Variants in KCNQ1 observed in about 807,000 individuals in gnomAD.
The protein encoded by KCNQ1 is potassium voltage-gated channel subfamily Q member 1.
Under a neutral mutation model 72.4 loss-of-function variants are expected in KCNQ1, and 49 were observed. That is an observed-to-expected ratio of 0.68 (90% CI 0.54 to 0.86). The LOEUF (loss-of-function observed/expected upper bound fraction) is 0.86. Ranked by LOEUF, KCNQ1 falls within the 40% of genes least tolerant of loss-of-function variation. The pLI is 0.00. For synonymous variants in KCNQ1, 450 were observed against 412.6 expected (o/e 1.09, Z -1.10); for missense variants, 790 against 945.1 (o/e 0.84, Z 2.15).
At chr11:2,719,461 C>T (rs779057289) in intron 11 of KCNQ1, among the ~76,000 whole-genome samples, 8 of 151,334 alleles carry the variant, frequency 5.3e-5, no homozygotes, top group African/African-American at 1.2e-4. Flanking sequence ...CTGTGATTGA[C>T]GTGTTGACCA....
rs531803737 is a variant in KCNQ1 at position 2,750,354 on chromosome 11, A to G, written c.1515-18490A>G. Among the ~76,000 whole-genome samples the G allele has an allele frequency of 4.6e-5, 7 of 152,282 alleles. No homozygotes were observed. The highest frequency in any genetic ancestry group is 4.1e-4 in the South Asian group (2 of 4,832). Reference sequence around the variant, plus strand: ...CTGGCCTAACCAGTTGGGGGAATCCATGGGAGGCTTTAGCCCTGCTCTGTG... The same window carrying G: ...CTGGCCTAACCAGTTGGGGGAATCCGTGGGAGGCTTTAGCCCTGCTCTGTG... On this transcript the variant is annotated intron_variant, in intron 11 of 15. Coordinates refer to ENST00000155840, the MANE Select transcript of KCNQ1 (RefSeq NM_000218.3). This position sits in a 1 kb window ranked among gnomAD's most constrained non-coding sequence, Gnocchi z 6.3.
intron 2 of KCNQ1, among the ~76,000 whole-genome samples, chr11:2,569,621 G>A (rs1021258845): frequency 6.6e-6 from 1 of 152,186 alleles, no homozygotes; most frequent in Admixed American, 6.5e-5. Context: ...CACACGTGGG[G>A]GCTGGTTTCA....
intron 11 of KCNQ1, chr11:2,684,944 T>G (rs1850458779): frequency 2.5e-6 from 1 of 398,686 alleles, no homozygotes; most frequent in Middle Eastern, 6.3e-4. Context: ...CATGTTATCT[T>G]TGTACCTGGT....
chr11:2,823,077 G>C (rs896721299), intron 15 of KCNQ1, among the ~76,000 whole-genome samples: 1 of 152,162 alleles, frequency 6.6e-6, no homozygotes, highest in Non-Finnish European at 1.5e-5. Flanking sequence ...AAAGGGAGAT[G>C]AGAGGAAATA....
Position 2,620,970 on chromosome 11 carries a change from C to CT in KCNQ1, c.1393+32122dup, listed in dbSNP as rs144479763. 1,125 of 379,690 alleles carry CT rather than the reference C, an allele frequency of 3.0e-3. 4 individuals carry two copies. Among genetic ancestry groups the CT allele is most frequent in the Non-Finnish European group, 4.1e-3 (889 of 218,384 alleles). 23.5% of individuals were successfully genotyped at this position (379,690 alleles called of 1,614,324 possible). A position where few individuals can be genotyped will look rare whatever the true frequency, so the allele number is the denominator to read the frequency against. ...TTTGTTTTTTTTTGTCTGTTTTTTG[C>CT]TTTTTTGTTTGTTTGTTTGTTTTTT... On this transcript the variant is annotated intron_variant, in intron 10 of 15. Transcript: ENST00000155840. This position sits in a 1 kb window ranked among gnomAD's most constrained non-coding sequence, Gnocchi z 4.5.
Position 2,720,158 on chromosome 11 carries a change from A to G in KCNQ1, c.1515-48686A>G, listed in dbSNP as rs1246383977. 6.6e-6 allele frequency among the ~76,000 whole-genome samples: 1 copy of G among 152,194 alleles called. No individual in the cohort carries two copies. The highest frequency in any genetic ancestry group is 1.5e-5 in the Non-Finnish European group (1 of 68,028). ...TGGAGGGTTGCAAGGAGACGCTTCT[A>G]GTATGTTAGACAGCACAGTCTTCCA... is the stretch of plus-strand genomic sequence containing the variant. On this transcript the variant is annotated intron_variant, in intron 11 of 15. Transcript: ENST00000155840. The surrounding 1 kb of genome is among the most constrained non-coding windows in gnomAD (Gnocchi z 5.1).
chr11:2,451,143 G>C lies in KCNQ1; in HGVS notation c.386+5659G>C, dbSNP rs1237747855. On this transcript the variant is annotated intron_variant, in intron 1 of 15. Coordinates refer to ENST00000155840, the MANE Select transcript of KCNQ1 (RefSeq NM_000218.3). This position sits in a 1 kb window ranked among gnomAD's most constrained non-coding sequence, Gnocchi z 6.4. The stretch of plus-strand genomic sequence containing the variant: ...CAGAAACACCGTTCCCCGTAGAGCA[G>C]CAGTCCCCAACCTTTTTAGTACCAG... Among the ~76,000 whole-genome samples, 1 of 152,172 alleles carries C rather than the reference G, an allele frequency of 6.6e-6. No individual in the cohort carries two copies. The highest frequency in any genetic ancestry group is 1.5e-5 in the Non-Finnish European group (1 of 68,038).
In KCNQ1 at chr11:2,848,025, T is replaced by C. The variant is rs376507265; in HGVS notation, c.*22T>C. On this transcript the variant is annotated 3_prime_UTR_variant, in exon 16 of 16. Coordinates refer to ENST00000155840, the MANE Select transcript of KCNQ1 (RefSeq NM_000218.3). ...CTGAGGAGGGGATGGGGCTGGGGGATGGGCCTGAGTGAGAGGGGAGGCCAA... is the reference window on the plus strand; with the variant it reads ...CTGAGGAGGGGATGGGGCTGGGGGACGGGCCTGAGTGAGAGGGGAGGCCAA... The C allele has an allele frequency of 9.2e-5, 140 of 1,526,556 alleles. No individual in the cohort carries two copies. The highest frequency in any genetic ancestry group is 1.2e-4 in the Non-Finnish European group (133 of 1,133,350). 94.6% of individuals were successfully genotyped at this position (1,526,556 alleles called of 1,614,324 possible).
chr11:2,688,320 C>A (rs949262690), intron 11 of KCNQ1: 3 of 398,688 alleles, frequency 7.5e-6, no homozygotes, highest in Non-Finnish European at 1.3e-5. Context: ...AAGCACGTCA[C>A]ACACACAGCT....
intron 11 of KCNQ1, chr11:2,697,442 G>A: frequency 2.5e-6 from 1 of 398,534 alleles, no homozygotes; most frequent in Non-Finnish European, 4.4e-6. Flanking sequence ...TTATCTTAAA[G>A]AGAATGATAC....
In KCNQ1 at chr11:2,624,072, A is replaced by G; in HGVS notation, c.1393+35218A>G. 2.5e-6 allele frequency: 1 copy of G among 398,806 alleles called. No homozygotes were observed. Among genetic ancestry groups the G allele is most frequent in the Non-Finnish European group, 4.4e-6 (1 of 226,270 alleles). 24.7% of individuals were successfully genotyped at this position (398,806 alleles called of 1,614,324 possible). A position where few individuals can be genotyped will look rare whatever the true frequency, so the allele number is the denominator to read the frequency against. On this transcript the variant is annotated intron_variant, in intron 10 of 15. Coordinates refer to ENST00000155840, the MANE Select transcript of KCNQ1 (RefSeq NM_000218.3). The surrounding 1 kb of genome is among the most constrained non-coding windows in gnomAD (Gnocchi z 4.9). ...GTTCCTGTTGCCCCACATATTGGCAAGTATTTGGTATTGTCAGTGTTTTGA... is the reference window on the plus strand; with the variant it reads ...GTTCCTGTTGCCCCACATATTGGCAGGTATTTGGTATTGTCAGTGTTTTGA...
At position 2,759,579 on chromosome 11, in the gene KCNQ1, A is replaced by G. The variant is rs375152380; in HGVS notation, c.1515-9265A>G. Among the ~76,000 whole-genome samples, 5 of 152,298 alleles carry G rather than the reference A, an allele frequency of 3.3e-5. No individual in the cohort carries two copies. The highest frequency in any genetic ancestry group is 1.2e-4 in the African/African-American group (5 of 41,568). ...GAGTTGCAAAGAGCGACACCCCAGC[A>G]TGTGGGAAGGAAGGGAGCGAGCTCT... On this transcript the variant is annotated intron_variant, in intron 11 of 15. Coordinates refer to ENST00000155840, the MANE Select transcript of KCNQ1 (RefSeq NM_000218.3). The surrounding 1 kb of genome is among the most constrained non-coding windows in gnomAD (Gnocchi z 4.4).
intron 12 of KCNQ1, among the ~76,000 whole-genome samples, chr11:2,775,065 G>A (rs1846667131): frequency 6.6e-6 from 1 of 152,228 alleles, no homozygotes; most frequent in Admixed American, 6.5e-5. Flanking sequence ...GCCTCACCCG[G>A]TCACCCAGTG....
At chr11:2,527,716 T>G (rs1847534643) in intron 1 of KCNQ1, among the ~76,000 whole-genome samples, 2 of 152,250 alleles carry the variant, frequency 1.3e-5, no homozygotes, top group African/African-American at 4.8e-5. Flanking sequence ...GCAGCATGTG[T>G]TGGTGCTTCG....
chr11:2,449,904 A>G (rs997704757), intron 1 of KCNQ1, among the ~76,000 whole-genome samples: 2 of 152,204 alleles, frequency 1.3e-5, no homozygotes, highest in African/African-American at 2.4e-5. Flanking sequence ...TGCTGTTAAC[A>G]GGGCAGCGGG....
At chr11:2,650,479 T>G in intron 10 of KCNQ1, 2 of 398,692 alleles carry the variant, frequency 5.0e-6, no homozygotes, top group Non-Finnish European at 8.8e-6. Context: ...TCTGGTTCAG[T>G]GCAGAAGTGT....
intron 15 of KCNQ1, among the ~76,000 whole-genome samples, chr11:2,832,468 G>A (rs771797209): frequency 5.3e-5 from 8 of 152,140 alleles, no homozygotes; most frequent in Non-Finnish European, 8.8e-5. Context: ...CAAGCTGCTC[G>A]CTCAGACGGG....
intron 11 of KCNQ1, among the ~76,000 whole-genome samples, chr11:2,706,431 C>G (rs982073636): frequency 1.3e-5 from 2 of 152,250 alleles, no homozygotes; most frequent in African/African-American, 4.8e-5. Context: ...TCTGATGAGA[C>G]AGCAGCCCTG....
intron 10 of KCNQ1, chr11:2,610,750 T>TTTTTTTTTTTTTTTTTTTTTTGG: frequency 2.7e-6 from 1 of 376,842 alleles, no homozygotes. Flanking sequence ...TTTTTTACTT[T>TTTTTTTTTTTTTTTTTTTTTTGG]GAGCACTTGG....
Sources: allele counts gnomAD v4.1 joint callset (sites outside exome capture counted in the v4.1 genomes callset), GRCh38; gene constraint gnomAD v4.1.1; non-coding constraint Gnocchi (gnomAD v3.1); transcripts MANE v1.5; gene names NCBI Gene and HGNC (gene_info 2026-07-23, HGNC 2026-07-21).